Variants in AUTS2 observed in about 807,000 individuals in gnomAD.
AUTS2 encodes activator of transcription and developmental regulator AUTS2.
In AUTS2, 17 loss-of-function variants were observed where a neutral mutation model predicts 112.4. The observed-to-expected ratio is 0.15, with a 90% CI of 0.10 to 0.23. The LOEUF (loss-of-function observed/expected upper bound fraction) is 0.23. Among genes scored for constraint, AUTS2 ranks in the 10% least tolerant of loss-of-function variants. The pLI is 1.00. For synonymous variants in AUTS2, 751 were observed against 702.7 expected (o/e 1.07, Z -1.09); for missense variants, 1,510 against 1,701.6 (o/e 0.89, Z 1.98).
rs73706409 is a variant in AUTS2, at chr7:70,699,738, T to G, written c.742+1118T>G. ...TTTTATATTTCATCATATTTTCTGA[T>G]GGACTGAAAGTTTGTATAAATGTGT... is the stretch of plus-strand genomic sequence containing the variant. On this transcript the variant is annotated intron_variant, in intron 6 of 18. Coordinates refer to ENST00000342771, the MANE Select transcript of AUTS2 (RefSeq NM_015570.4). Among the ~76,000 whole-genome samples the G allele has an allele frequency of 3.4e-3, 513 of 152,342 alleles. 6 individuals are homozygous for G. The highest frequency in any genetic ancestry group is 0.012 in the African/African-American group (503 of 41,580).
chr7:69,789,923 T>C (rs1159278757), intron 1 of AUTS2, among the ~76,000 whole-genome samples: 1 of 151,882 alleles, frequency 6.6e-6, no homozygotes, highest in Non-Finnish European at 1.5e-5. Context: ...GAGTGAAGTA[T>C]TTGCTTAAAT....
chr7:70,328,490 G>C (rs1033566334), intron 4 of AUTS2, among the ~76,000 whole-genome samples: 2 of 152,080 alleles, frequency 1.3e-5, no homozygotes, highest in African/African-American at 4.8e-5. Context: ...CCAAAATGCT[G>C]AGAGTGCAGG....
intron 4 of AUTS2, among the ~76,000 whole-genome samples, chr7:70,432,302 A>T (rs977972745): frequency 2.0e-5 from 3 of 152,188 alleles, no homozygotes; most frequent in African/African-American, 7.2e-5. Flanking sequence ...AGGTGGCTCA[A>T]TGTGAACTCT....
chr7:69,897,597 A>C (rs1033689998), intron 1 of AUTS2, among the ~76,000 whole-genome samples: 15 of 152,018 alleles, frequency 9.9e-5, no homozygotes, highest in South Asian at 6.2e-4. Flanking sequence ...AAAAAAAAAA[A>C]AAACAAAAAA....
chr7:70,740,306 A>G (rs530751254), intron 6 of AUTS2, among the ~76,000 whole-genome samples: 3 of 152,304 alleles, frequency 2.0e-5, no homozygotes, highest in African/African-American at 7.2e-5. Context: ...ACGTGGTGCT[A>G]TTGCAGCTCC....
intron 6 of AUTS2, among the ~76,000 whole-genome samples, chr7:70,760,635 C>G (rs1789511641): frequency 6.6e-6 from 1 of 152,252 alleles, no homozygotes; most frequent in South Asian, 2.1e-4. Context: ...TGTGACATCT[C>G]TGAATAAAGG....
chr7:70,029,298 G>A (rs1308417301), intron 2 of AUTS2, among the ~76,000 whole-genome samples: 2 of 144,462 alleles, frequency 1.4e-5, no homozygotes, highest in Non-Finnish European at 3.0e-5. Flanking sequence ...TCCATTAGAC[G>A]TGATGTTTCT....
intron 1 of AUTS2, among the ~76,000 whole-genome samples, chr7:69,687,364 G>A (rs1797107420): frequency 6.6e-6 from 1 of 152,164 alleles, no homozygotes; most frequent in African/African-American, 2.4e-5. Flanking sequence ...GTTGGTGTGT[G>A]TAAGTGCAAG....
In AUTS2 at chr7:70,337,843, C is replaced by A. The variant is rs756762225; in HGVS notation, c.661-97909C>A. Among the ~76,000 whole-genome samples the A allele has an allele frequency of 4.6e-5, 7 of 152,224 alleles. 1 individual carries two copies. The highest frequency in any genetic ancestry group is 8.8e-5 in the Non-Finnish European group (6 of 68,042). ...TTGCCATGAGGATCAGTCCCTGAGG[C>A]CTTGCTCTCTGCCTCAGTTTACTGT... On this transcript the variant is annotated intron_variant, in intron 4 of 18. Coordinates refer to ENST00000342771, the MANE Select transcript of AUTS2 (RefSeq NM_015570.4).
chr7:70,273,645 C>T (rs1787795887), intron 4 of AUTS2, among the ~76,000 whole-genome samples: 1 of 152,034 alleles, frequency 6.6e-6, no homozygotes, highest in Non-Finnish European at 1.5e-5. Context: ...ATAGTCACCC[C>T]TTGGTATACT....
intron 4 of AUTS2, among the ~76,000 whole-genome samples, chr7:70,157,263 A>G (rs535744720): frequency 1.3e-5 from 2 of 151,308 alleles, no homozygotes; most frequent in Non-Finnish European, 2.9e-5. Flanking sequence ...TTTTCTTTGT[A>G]TGCTCTCTTT....
chr7:70,096,760 A>G (rs141964349), intron 2 of AUTS2, among the ~76,000 whole-genome samples: 21 of 152,168 alleles, frequency 1.4e-4, no homozygotes, highest in Non-Finnish European at 2.9e-4. Flanking sequence ...GAAAATTCAG[A>G]AGGAGGATAA....
At position 69,626,523 on chromosome 7, in the gene AUTS2, G is replaced by A. The variant is rs1423693507; in HGVS notation, c.309+26561G>A. ...CTTGGATTTATAAAGGGCCACATTG[G>A]AAGGTCACTGAGAAGCATGGGTGAT... On this transcript the variant is annotated intron_variant, in intron 1 of 18. Transcript: ENST00000342771. Among the ~76,000 whole-genome samples, 3 of 152,098 alleles carry A rather than the reference G, an allele frequency of 2.0e-5. No homozygotes were observed. In the East Asian group the frequency reaches 5.8e-4, roughly 29 times the overall value.
At chr7:70,601,989 C>T (rs1803495164) in intron 5 of AUTS2, among the ~76,000 whole-genome samples, 2 of 151,990 alleles carry the variant, frequency 1.3e-5, no homozygotes, top group South Asian at 4.1e-4. Flanking sequence ...TCTCTGATTC[C>T]CTATTAGCAG....
At chr7:70,330,831 TAA>T (rs1371692975) in intron 4 of AUTS2, among the ~76,000 whole-genome samples, 2 of 152,212 alleles carry the variant, frequency 1.3e-5, no homozygotes, top group African/African-American at 4.8e-5. Flanking sequence ...TTTCAGCATA[TAA>T]GTCTTTCACC....
At chr7:70,333,083 C>T (rs1389060752) in intron 4 of AUTS2, among the ~76,000 whole-genome samples, 1 of 152,170 alleles carries the variant, frequency 6.6e-6, no homozygotes, top group Non-Finnish European at 1.5e-5. Context: ...GAGCTACTAT[C>T]CAGAATCTAC....
At chr7:70,377,287 C>T (rs1467259204) in intron 4 of AUTS2, among the ~76,000 whole-genome samples, 1 of 128,262 alleles carries the variant, frequency 7.8e-6, no homozygotes, top group African/African-American at 3.0e-5. Flanking sequence ...GAGCCAAAGT[C>T]AGCTGAATGG....
At chr7:69,786,629 C>T (rs1379145807) in intron 1 of AUTS2, among the ~76,000 whole-genome samples, 1 of 152,160 alleles carries the variant, frequency 6.6e-6, no homozygotes, top group African/African-American at 2.4e-5. Flanking sequence ...AGGTCTGTGG[C>T]TTCATTCTTG....
chr7:69,821,456 A>G (rs1334060268), intron 1 of AUTS2, among the ~76,000 whole-genome samples: 1 of 152,142 alleles, frequency 6.6e-6, no homozygotes, highest in East Asian at 1.9e-4. Flanking sequence ...GGACGTGGGC[A>G]GGGACAAATA....
Sources: allele counts gnomAD v4.1 joint callset (sites outside exome capture counted in the v4.1 genomes callset), GRCh38; gene constraint gnomAD v4.1.1; transcripts MANE v1.5; gene names NCBI Gene and HGNC (gene_info 2026-07-23, HGNC 2026-07-21).